The following SLC35A1 variants were observed in gnomAD, a reference collection of about 807,000 sequenced individuals.
SLC35A1 encodes the protein CMP-sialic acid transporter.
A neutral mutation model predicts 40.3 loss-of-function variants in SLC35A1; 21 were observed. That is an observed-to-expected ratio of 0.52 (90% confidence interval 0.37 to 0.75). SLC35A1 has a LOEUF of 0.75. Among genes scored for constraint, SLC35A1 ranks in the 30% least tolerant of loss-of-function variants. SLC35A1 has a pLI of 0.00. For missense variants in SLC35A1, 297 were observed against 382.1 expected (o/e 0.78, Z 1.86); for synonymous variants, 146 against 147.3 (o/e 0.99, Z 0.06).
chr6:87,487,141 A>C (rs1769413729), intron 2 of SLC35A1, among the ~76,000 whole-genome samples: 1 of 152,154 alleles, frequency 6.6e-6, no homozygotes, highest in South Asian at 2.1e-4. Flanking sequence ...ACACCACTGC[A>C]CTCCAGCCTG....
intron 2 of SLC35A1, among the ~76,000 whole-genome samples, chr6:87,495,776 CTCCCGAGTAGCT>C (rs1769708753): frequency 6.6e-6 from 1 of 152,010 alleles, no homozygotes; most frequent in Admixed American, 6.5e-5. Context: ...CTGCCTCAGC[CTCCCGAGTAGCT>C]GGGACTACAG....
rs1246851430 is a variant in SLC35A1 at position 87,512,296 on chromosome 6, G to A, written c.*770G>A. 4 of 152,554 alleles carry A rather than the reference G, an allele frequency of 2.6e-5. No homozygotes were observed. The highest frequency in any genetic ancestry group is 5.9e-5 in the Non-Finnish European group (4 of 68,028). 9.5% of individuals were successfully genotyped at this position (152,554 alleles called of 1,614,324 possible). A position where few individuals can be genotyped will look rare whatever the true frequency, so the allele number is the denominator to read the frequency against. ...GTGAAATTTCAGTGTTTTCTATAAT[G>A]TTAATGGGGAAATTCAGCAATAAAC... On this transcript the variant is annotated 3_prime_UTR_variant, in exon 8 of 8. Transcript: ENST00000369552.
chr6:87,492,863 T>C (rs1769594526), intron 2 of SLC35A1, among the ~76,000 whole-genome samples: 2 of 152,176 alleles, frequency 1.3e-5, no homozygotes, highest in Non-Finnish European at 2.9e-5. Flanking sequence ...TCCTGGTTTC[T>C]TGATTAAGGT....
intron 5 of SLC35A1, among the ~76,000 whole-genome samples, chr6:87,507,534 G>A (rs1770124754): frequency 6.6e-6 from 1 of 152,020 alleles, no homozygotes; most frequent in Non-Finnish European, 1.5e-5. Context: ...TCTCCCAGAA[G>A]GTAAAATCAG....
chr6:87,479,460 G>C (rs924846231), intron 2 of SLC35A1, among the ~76,000 whole-genome samples: 2 of 152,078 alleles, frequency 1.3e-5, no homozygotes, highest in African/African-American at 4.8e-5. Flanking sequence ...TCCATTTACC[G>C]AACCACTTTT....
intron 6 of SLC35A1, 97 bp from the exon 7 acceptor site, chr6:87,508,944 G>C: frequency 7.6e-7 from 1 of 1,312,920 alleles, no homozygotes; most frequent in African/African-American, 1.4e-5. Flanking sequence ...CCTTTTCCTA[G>C]GTAAAGTATG....
At chr6:87,482,236 TC>T (rs201014015) in intron 2 of SLC35A1, among the ~76,000 whole-genome samples, 9 of 147,302 alleles carry the variant, frequency 6.1e-5, no homozygotes, top group South Asian at 2.2e-4. Context: ...ATATAAATTC[TC>T]CCCCCCCTCC....
In SLC35A1 at chr6:87,511,529, T is replaced by G. The variant is rs762371507; in HGVS notation, c.*3T>G. On this transcript the variant is annotated 3_prime_UTR_variant, in exon 8 of 8. Coordinates refer to ENST00000369552, the MANE Select transcript of SLC35A1 (RefSeq NM_006416.5). Reference sequence around the variant, plus strand: ...AGGAGAGAGTTATTGGTGTGTGATTTTAGCCTCACGTGAGACTCCTTTTAA... The same window carrying G: ...AGGAGAGAGTTATTGGTGTGTGATTGTAGCCTCACGTGAGACTCCTTTTAA... The G allele has an allele frequency of 6.2e-7, 1 of 1,614,036 alleles. No individual in the cohort carries two copies. The highest frequency in any genetic ancestry group is 1.1e-5 in the South Asian group (1 of 91,082).
intron 2 of SLC35A1, among the ~76,000 whole-genome samples, chr6:87,495,042 TTGC>T (rs1425213459): frequency 4.6e-5 from 7 of 152,082 alleles, no homozygotes; most frequent in African/African-American, 1.7e-4. Context: ...TGATCTTGAC[TTGC>T]TGCAACCATC....
chr6:87,492,491 G>A (rs1769582867), intron 2 of SLC35A1, among the ~76,000 whole-genome samples: 1 of 150,638 alleles, frequency 6.6e-6, no homozygotes, highest in Non-Finnish European at 1.5e-5. Context: ...TTTTAGTGCA[G>A]TATATAAAGA....
rs560043737 is a variant in SLC35A1 at position 87,474,672 on chromosome 6, G to A, written c.16+1653G>A. On this transcript the variant is annotated intron_variant, in intron 1 of 7. Coordinates refer to ENST00000369552, the MANE Select transcript of SLC35A1 (RefSeq NM_006416.5). ...GAGTGAACAAGAAATAGTTTGGTCT[G>A]ATGTTAAACTGCCAGAGAAAATCGT... Among the ~76,000 whole-genome samples the A allele has an allele frequency of 3.5e-4, 53 of 152,316 alleles. 1 individual carries two copies. The highest frequency in any genetic ancestry group is 3.3e-3 in the Admixed American group (50 of 15,308).
At chr6:87,508,219 A>ATACTC (rs1211460727) in intron 5 of SLC35A1, among the ~76,000 whole-genome samples, 1 of 152,152 alleles carries the variant, frequency 6.6e-6, no homozygotes, top group African/African-American at 2.4e-5. Flanking sequence ...ATTATTCTAT[A>ATACTC]TACTCTGTAA....
intron 2 of SLC35A1, among the ~76,000 whole-genome samples, chr6:87,499,475 G>A (rs1291295045): frequency 3.9e-5 from 6 of 152,162 alleles, no homozygotes; most frequent in Admixed American, 3.9e-4. Context: ...TCAATGAGCT[G>A]ATTTATGATA....
intron 2 of SLC35A1, among the ~76,000 whole-genome samples, chr6:87,497,891 G>A (rs1247706921): frequency 7.8e-6 from 1 of 127,976 alleles, no homozygotes; most frequent in Non-Finnish European, 1.7e-5. Context: ...ACCACTCCTG[G>A]CAGTTTTTTT....
At chr6:87,495,877 G>C (rs867718196) in intron 2 of SLC35A1, among the ~76,000 whole-genome samples, 6 of 151,988 alleles carry the variant, frequency 3.9e-5, no homozygotes, top group Non-Finnish European at 7.4e-5. Context: ...GGATGGTCTC[G>C]ATCTCCTGAC....
intron 4 of SLC35A1, among the ~76,000 whole-genome samples, chr6:87,505,571 A>AT (rs1236630543): frequency 6.6e-6 from 1 of 152,176 alleles, no homozygotes; most frequent in African/African-American, 2.4e-5. Context: ...AACTCATAAA[A>AT]AACAGAAGTT....
chr6:87,492,099 T>C lies in SLC35A1; in HGVS notation c.195-8409T>C, dbSNP rs370971467. On this transcript the variant is annotated intron_variant, in intron 2 of 7. Coordinates refer to ENST00000369552, the MANE Select transcript of SLC35A1 (RefSeq NM_006416.5). ...AGATGCTTCTTTGTCCCTAACGTTC[T>C]TCAGTGCATGTTTCCTAAAAACAAG... Among the ~76,000 whole-genome samples the C allele has an allele frequency of 5.3e-5, 8 of 152,320 alleles. No individual in the cohort carries two copies. In the South Asian group the frequency reaches 8.3e-4, roughly 16 times the overall value.
intron 5 of SLC35A1, 60 bp from the exon 6 acceptor site, chr6:87,508,358 GAA>G: frequency 8.9e-7 from 1 of 1,127,672 alleles, no homozygotes; most frequent in African/African-American, 1.6e-5. Context: ...TGTTCTAAAT[GAA>G]AGACATTTTA....
chr6:87,492,129 TTC>T (rs1393525417), intron 2 of SLC35A1, among the ~76,000 whole-genome samples: 1 of 152,224 alleles, frequency 6.6e-6, no homozygotes, highest in Non-Finnish European at 1.5e-5. Flanking sequence ...AACAAGGACA[TTC>T]TCTTATATAT....
Sources: gnomAD v4.1 joint callset for allele counts (sites outside exome capture counted in the v4.1 genomes callset) on GRCh38, gnomAD v4.1.1 for gene constraint, MANE v1.5 for transcripts, NCBI Gene and HGNC (gene_info 2026-07-23, HGNC 2026-07-21) for gene names.